F11R: variants seen among roughly 807,000 people sequenced by gnomAD.
F11R encodes junctional adhesion molecule A.
A neutral mutation model predicts 39.3 loss-of-function variants in F11R; 27 were observed. The ratio of observed to expected loss-of-function variants is 0.69; its 90% CI spans 0.51 to 0.95. F11R has a LOEUF of 0.95. F11R is among the 40% of genes least tolerant of loss of function. F11R has a pLI of 0.00. For synonymous variants in F11R, 131 were observed against 144.9 expected (o/e 0.90, Z 0.69); for missense variants, 335 against 372.7 (o/e 0.90, Z 0.83).
At chr1:161,000,926 C>A in intron 3 of F11R, 94 bp downstream of exon 3, 1 of 1,482,426 alleles carries the variant, frequency 6.7e-7, no homozygotes, top group Non-Finnish European at 9.4e-7. Flanking sequence ...CCAGGGTGTG[C>A]CCTGGGATAA....
At chr1:160,998,938 A>G in intron 9 of F11R, 32 bp from the exon 10 acceptor site, 2 of 1,614,014 alleles carry the variant, frequency 1.2e-6, no homozygotes, top group Non-Finnish European at 1.7e-6. Context: ...TCAACTCTCA[A>G]TAGTCTTCTT....
At chr1:161,008,590 G>A (rs1008025838) in intron 1 of F11R, among the ~76,000 whole-genome samples, 2 of 152,130 alleles carry the variant, frequency 1.3e-5, no homozygotes, top group Non-Finnish European at 2.9e-5. Flanking sequence ...AGGCACTGTT[G>A]TAAGCATATT....
chr1:161,020,696 A>G (rs1418611060), intron 1 of F11R, among the ~76,000 whole-genome samples: 1 of 152,142 alleles, frequency 6.6e-6, no homozygotes, highest in Admixed American at 6.5e-5. Context: ...TGAGTGTGGA[A>G]GGGTCCTTGG....
intron 6 of F11R, 34 bp downstream of exon 6, chr1:160,999,842 C>T (rs373885875): frequency 1.9e-6 from 3 of 1,609,890 alleles, no homozygotes; most frequent in Non-Finnish European, 8.5e-7. Context: ...CCCCAATCCC[C>T]ACCCCAGGTC....
intron 1 of F11R, among the ~76,000 whole-genome samples, chr1:161,002,365 G>GAAAGA (rs944672448): frequency 2.6e-4 from 40 of 151,732 alleles, no homozygotes; most frequent in African/African-American, 9.7e-4. Flanking sequence ...GCCAAATGGA[G>GAAAGA]AAAGAAAAGA....
chr1:161,000,552 A>G, intron 4 of F11R, 79 bp downstream of exon 4: 1 of 1,584,806 alleles, frequency 6.3e-7, no homozygotes, highest in Non-Finnish European at 8.6e-7. Flanking sequence ...TCTCACCATC[A>G]AAGAGCTCCA....
chr1:161,018,167 C>T (rs1348264712), intron 1 of F11R, among the ~76,000 whole-genome samples: 1 of 152,178 alleles, frequency 6.6e-6, no homozygotes, highest in Non-Finnish European at 1.5e-5. Flanking sequence ...TTTACTTTTC[C>T]CAAGTCCAGC....
chr1:161,013,011 G>T (rs1307475398), intron 1 of F11R, among the ~76,000 whole-genome samples: 1 of 151,948 alleles, frequency 6.6e-6, no homozygotes, highest in Admixed American at 6.6e-5. Flanking sequence ...GTCGGGGTTT[G>T]GTGTAAAGAT....
intron 1 of F11R, among the ~76,000 whole-genome samples, chr1:161,014,537 T>C (rs1649342013): frequency 6.6e-6 from 1 of 152,086 alleles, no homozygotes. Context: ...ACCCTGTCTG[T>C]ACTAAAAAAA....
At position 161,015,405 on chromosome 1, in the gene F11R, A is replaced by AT. The variant is rs1329400158; in HGVS notation, c.64+5604_64+5605insA. On this transcript the variant is annotated intron_variant, in intron 1 of 9. Coordinates refer to ENST00000368026, the MANE Select transcript of F11R (RefSeq NM_016946.6). ...AGAGCCAGACTCCATCTCAAAAAAA[A>AT]AAATATATATATATATATATATACA... Among the ~76,000 whole-genome samples the AT allele has an allele frequency of 9.7e-4, 130 of 133,652 alleles. 1 individual carries two copies. Among genetic ancestry groups the AT allele is most frequent in the African/African-American group, 2.1e-3 (72 of 34,900 alleles). 87.7% of individuals were successfully genotyped at this position (133,652 alleles called of 152,430 possible).
At position 160,999,507 on chromosome 1, in the gene F11R, G is replaced by A. The variant is rs1648333266; in HGVS notation, c.803-99C>T. The A allele has an allele frequency of 9.6e-6, 15 of 1,563,024 alleles. No homozygotes were observed. The South Asian group carries it at 1.7e-4, about 17-fold the overall frequency. On this transcript the variant is annotated intron_variant, in intron 7 of 9. Transcript: ENST00000368026. ...GGCCCCCAGCTCTTGGTGTTAGATG[G>A]GTGATCAGTGTTCCCCAGGGGACAA... is the stretch of plus-strand genomic sequence containing the variant.
In F11R at chr1:160,996,298, G is replaced by T. The variant is rs1648114449; in HGVS notation, c.*2573C>A. The stretch of plus-strand genomic sequence containing the variant: ...AAAAGGTCCATTGTAAGCTAGAGAA[G>T]TAAATTCCAAGGCTGGCAATAACTG... On this transcript the variant is annotated 3_prime_UTR_variant, in exon 10 of 10. Transcript: ENST00000368026. The T allele has an allele frequency of 2.0e-5, 3 of 152,444 alleles. No individual in the cohort carries two copies. Among genetic ancestry groups the T allele is most frequent in the Admixed American group, 2.0e-4 (3 of 15,296 alleles). The allele number at this position is 152,444 out of a possible 1,614,324, so 9.4% of individuals were successfully genotyped here.
At chr1:160,999,580 C>T (rs978394423) in intron 7 of F11R, 60 bp downstream of exon 7, 2 of 1,540,540 alleles carry the variant, frequency 1.3e-6, no homozygotes, top group African/African-American at 2.7e-5. Flanking sequence ...CAGATGACAC[C>T]CATGCCAGGC....
Position 160,999,929 on chromosome 1 carries a change from G to A in F11R, c.641C>T (p.Ala214Val). ...ASDTGEYSCE[A>V]RNGYGTPMTS... ...CATGGGTGTCCCATACCCATTCCGT[G>A]CCTCACAGCTGTATTCTCCAGTATC... is the stretch of plus-strand genomic sequence containing the variant. Residue 214 changes from alanine (A) to valine (V), a missense_variant, in exon 6 of 10, where the codon GCA becomes GTA. Ala to Val is a moderately conservative substitution (Grantham distance 64). Transcript: ENST00000368026. 6.2e-7 allele frequency: 1 copy of A among 1,614,174 alleles called. No individual in the cohort carries two copies. Among genetic ancestry groups the A allele is most frequent in the Non-Finnish European group, 8.5e-7 (1 of 1,180,026 alleles).
chr1:161,011,474 G>A (rs1649156426), intron 1 of F11R, among the ~76,000 whole-genome samples: 1 of 152,148 alleles, frequency 6.6e-6, no homozygotes, highest in Non-Finnish European at 1.5e-5. Flanking sequence ...AGGCGCGGTG[G>A]CTCACACCTG....
At position 160,999,664 on chromosome 1, in the gene F11R, C is replaced by T; in HGVS notation, c.778G>A (p.Ala260Thr). 1 of 1,614,150 alleles carries T rather than the reference C, an allele frequency of 6.2e-7. No individual in the cohort carries two copies. The highest frequency in any genetic ancestry group is 8.5e-7 in the Non-Finnish European group (1 of 1,180,020). ...LGILVFGIWF[A>T]YSRGHFDRTK... ...CTGTCAAAGTGGCCTCGGCTATAGG[C>T]AAACCAGATGCCAAAAACCAAGATT... The change falls in exon 7 of 10, where the codon GCC becomes ACC. Residue 260 changes from alanine to threonine, a missense_variant. Ala to Thr is a moderately conservative substitution (Grantham distance 58). Transcript: ENST00000368026.
In F11R at chr1:161,014,587, C is replaced by CTA. The variant is rs561292884; in HGVS notation, c.64+6421_64+6422dup. 3.1e-4 allele frequency among the ~76,000 whole-genome samples: 47 copies of CTA among 152,292 alleles called. No homozygotes were observed. In the East Asian group the frequency reaches 8.9e-3, roughly 29 times the overall value. Reference sequence around the variant, plus strand: ...GGTATGGCTCACCACTCACACTTGCCTATAGCCTCAGCTATTCAGGAGGCT... The same window carrying CTA: ...GGTATGGCTCACCACTCACACTTGCCTATATAGCCTCAGCTATTCAGGAGGCT... On this transcript the variant is annotated intron_variant, in intron 1 of 9. Transcript: ENST00000368026.
intron 1 of F11R, among the ~76,000 whole-genome samples, chr1:161,006,182 G>GTGTTCCAAAT (rs1648799243): frequency 1.3e-5 from 2 of 151,502 alleles, no homozygotes; most frequent in South Asian, 4.2e-4. Context: ...GTGTTCCAAA[G>GTGTTCCAAAT]CTGTCTGTGG....
At chr1:160,999,200 G>T in intron 8 of F11R, 109 bp from the exon 9 acceptor site, 1 of 1,488,374 alleles carries the variant, frequency 6.7e-7, no homozygotes, top group Non-Finnish European at 9.2e-7. Context: ...CACAGAGTGC[G>T]CAGCAGACAG....
Sources: gnomAD v4.1 joint callset for allele counts (sites outside exome capture counted in the v4.1 genomes callset) on GRCh38, gnomAD v4.1.1 for gene constraint, MANE v1.5 for transcripts, NCBI Gene and HGNC (gene_info 2026-07-23, HGNC 2026-07-21) for gene names.